The following RBFOX1 variants were observed in gnomAD, a reference collection of about 807,000 sequenced individuals.
RBFOX1 encodes RNA binding protein fox-1 homolog 1.
In RBFOX1, 8 loss-of-function variants were observed where a neutral mutation model predicts 57.7. The ratio of observed to expected loss-of-function variants is 0.14; its 90% CI spans 0.08 to 0.25. The LOEUF is 0.25. Ranked by LOEUF, RBFOX1 falls within the 10% of genes least tolerant of loss-of-function variation. The pLI is 1.00. For missense variants in RBFOX1, 611 were observed against 548.5 expected, an observed-to-expected ratio of 1.11 and a Z score of -1.14; for synonymous variants, 326 against 222.4, an observed-to-expected ratio of 1.47 and a Z score of -4.15.
intron 3 of RBFOX1, among the ~76,000 whole-genome samples, chr16:6,803,891 C>A (rs189674153): frequency 6.6e-6 from 1 of 152,138 alleles, no homozygotes; most frequent in African/African-American, 2.4e-5. Flanking sequence ...CAGAGTGTTG[C>A]TGAAATGTAA....
At position 7,186,663 on chromosome 16, in the gene RBFOX1, A is replaced by G. The variant is rs1258492194; in HGVS notation, c.27+134565A>G. ...TTTATATACACATTTATATTTATGT[A>G]TATTTATATACATACTTACGTCTTT... On this transcript the variant is annotated intron_variant, in intron 4 of 15. Transcript: ENST00000550418. Among the ~76,000 whole-genome samples, 4 of 148,106 alleles carry G rather than the reference A, an allele frequency of 2.7e-5. No homozygotes were observed. The East Asian group carries it at 7.8e-4, about 29-fold the overall frequency.
chr16:7,249,935 T>G (rs901992834), intron 4 of RBFOX1, among the ~76,000 whole-genome samples: 3 of 152,238 alleles, frequency 2.0e-5, no homozygotes, highest in African/African-American at 7.2e-5. Flanking sequence ...CAGTAGTGTT[T>G]AAGAGACTCT....
At chr16:7,598,321 G>C (rs17144276) in intron 9 of RBFOX1, among the ~76,000 whole-genome samples, 11,950 of 152,114 alleles carry the variant, frequency 0.079, 640 homozygotes, top group South Asian at 0.16. Context: ...CATAACTTTA[G>C]ATAAATGATG....
At chr16:6,030,083 G>A (rs1044252972) in intron 1 of RBFOX1, among the ~76,000 whole-genome samples, 3 of 151,878 alleles carry the variant, frequency 2.0e-5, no homozygotes, top group Admixed American at 6.6e-5. Context: ...GCTAATTTTC[G>A]TGTTTTTAAA....
intron 1 of RBFOX1, among the ~76,000 whole-genome samples, chr16:5,243,842 G>T (rs1304303496): frequency 6.6e-6 from 1 of 152,134 alleles, no homozygotes; most frequent in Non-Finnish European, 1.5e-5. Context: ...AAGGTTATAT[G>T]GGATTTACTG....
intron 4 of RBFOX1, among the ~76,000 whole-genome samples, chr16:7,058,340 G>A (rs924459549): frequency 2.6e-5 from 4 of 152,108 alleles, no homozygotes; most frequent in African/African-American, 9.7e-5. Flanking sequence ...TAAGGGAAAG[G>A]GAGTGTGCCT....
chr16:6,380,623 C>A (rs1199992809), intron 2 of RBFOX1, among the ~76,000 whole-genome samples: 1 of 151,676 alleles, frequency 6.6e-6, no homozygotes, highest in African/African-American at 2.4e-5. Context: ...TAGGATATGT[C>A]TTTTGTTTTT....
chr16:5,973,109 G>C (rs1035299762), intron 4 of RBFOX1, among the ~76,000 whole-genome samples: 2 of 152,166 alleles, frequency 1.3e-5, no homozygotes, highest in African/African-American at 4.8e-5. Flanking sequence ...AAGAGACAGA[G>C]CTAAAAATAA....
At chr16:7,413,520 C>G (rs991872505) in intron 4 of RBFOX1, among the ~76,000 whole-genome samples, 3 of 152,242 alleles carry the variant, frequency 2.0e-5, no homozygotes, top group Non-Finnish European at 4.4e-5. Context: ...TTGCAAGCCA[C>G]TGAGATGCCC....
intron 3 of RBFOX1, among the ~76,000 whole-genome samples, chr16:7,049,411 C>G (rs1006313542): frequency 1.3e-5 from 2 of 152,006 alleles, no homozygotes; most frequent in African/African-American, 4.8e-5. Flanking sequence ...CTGAGATTGC[C>G]TGGAGACTGC....
chr16:7,710,031 C>T (rs1369506747), intron 15 of RBFOX1: 6 of 1,006,276 alleles, frequency 6.0e-6, no homozygotes, highest in Non-Finnish European at 7.1e-6. Flanking sequence ...AAAACCATGG[C>T]CGGACAGTTC....
chr16:5,562,114 C>A (rs1377789407), intron 2 of RBFOX1, among the ~76,000 whole-genome samples: 1 of 152,142 alleles, frequency 6.6e-6, no homozygotes, highest in Non-Finnish European at 1.5e-5. Flanking sequence ...AGGCAAAGCT[C>A]TTCCTGAGCT....
chr16:5,609,284 C>A (rs2047692488), intron 3 of RBFOX1, among the ~76,000 whole-genome samples: 1 of 152,160 alleles, frequency 6.6e-6, no homozygotes, highest in Non-Finnish European at 1.5e-5. Flanking sequence ...GAAAGGAGAG[C>A]TGTATTTTAA....
intron 2 of RBFOX1, among the ~76,000 whole-genome samples, chr16:5,504,022 T>TG (rs2043291526): frequency 6.6e-6 from 1 of 152,110 alleles, no homozygotes; most frequent in African/African-American, 2.4e-5. Flanking sequence ...CCTTTGTCTC[T>TG]GGGGGGCTGG....
chr16:7,267,437 G>T (rs754150988), intron 4 of RBFOX1, among the ~76,000 whole-genome samples: 4 of 152,026 alleles, frequency 2.6e-5, no homozygotes, highest in African/African-American at 9.7e-5. Flanking sequence ...TTGAGAGGCT[G>T]AGGCAAGAGA....
chr16:6,571,793 A>C (rs1177135907), intron 2 of RBFOX1, among the ~76,000 whole-genome samples: 1 of 152,234 alleles, frequency 6.6e-6, no homozygotes, highest in Non-Finnish European at 1.5e-5. Context: ...ATATTTTTTG[A>C]GTGAATTAAT....
chr16:7,212,649 A>G (rs1197400711), intron 4 of RBFOX1, among the ~76,000 whole-genome samples: 1 of 152,194 alleles, frequency 6.6e-6, no homozygotes, highest in African/African-American at 2.4e-5. Flanking sequence ...AAACGAGAAA[A>G]TAGCCTCAAT....
At chr16:6,560,774 C>G (rs1276018259) in intron 2 of RBFOX1, among the ~76,000 whole-genome samples, 2 of 152,184 alleles carry the variant, frequency 1.3e-5, no homozygotes, top group African/African-American at 4.8e-5. Context: ...GTCTGTCTCT[C>G]TCATAGACTG....
At chr16:7,463,656 T>C (rs2059975635) in intron 4 of RBFOX1, among the ~76,000 whole-genome samples, 1 of 152,176 alleles carries the variant, frequency 6.6e-6, no homozygotes, top group South Asian at 2.1e-4. Flanking sequence ...ATTCAAACCA[T>C]AGCAGTCACC....
Sources: gnomAD v4.1 joint callset for allele counts (sites outside exome capture counted in the v4.1 genomes callset) on GRCh38, gnomAD v4.1.1 for gene constraint, MANE v1.5 for transcripts, NCBI Gene and HGNC (gene_info 2026-07-23, HGNC 2026-07-21) for gene names.